The following KDM5A variants were observed in gnomAD, a reference collection of about 807,000 sequenced individuals.
KDM5A encodes lysine-specific demethylase 5A.
Under a neutral mutation model 193.5 loss-of-function variants are expected in KDM5A, and 42 were observed. The ratio of observed to expected loss-of-function variants is 0.22; its 90% confidence interval spans 0.17 to 0.28. The LOEUF is 0.28. Among genes scored for constraint, KDM5A ranks in the 10% least tolerant of loss-of-function variants. The pLI is 1.00. For missense variants in KDM5A, 1,692 were observed against 2,055.1 expected, an observed-to-expected ratio of 0.82 and a Z score of 3.42; for synonymous variants, 796 against 718.1, an observed-to-expected ratio of 1.11 and a Z score of -1.73.
intron 10 of KDM5A, among the ~76,000 whole-genome samples, chr12:336,945 T>G (rs1440820143): frequency 6.6e-6 from 1 of 152,160 alleles, no homozygotes; most frequent in African/African-American, 2.4e-5. Context: ...CATCATGGGT[T>G]TGGATTGTGA....
intron 5 of KDM5A, among the ~76,000 whole-genome samples, chr12:360,293 T>C (rs912274743): frequency 1.3e-5 from 2 of 150,838 alleles, no homozygotes; most frequent in Admixed American, 6.6e-5. Flanking sequence ...AGACAAGATT[T>C]GAGAGTTCTG....
At chr12:288,946 AT>A (rs1160083028) in intron 27 of KDM5A, among the ~76,000 whole-genome samples, 8 of 152,236 alleles carry the variant, frequency 5.3e-5, no homozygotes, top group Admixed American at 2.0e-4. Context: ...TATTACACAC[AT>A]TTAGGTAACT....
At chr12:387,261 G>T in intron 1 of KDM5A, 1 of 362,862 alleles carries the variant, frequency 2.8e-6, no homozygotes, top group South Asian at 2.1e-5. Flanking sequence ...GGAAACTGAA[G>T]AAATCTGCCA....
At chr12:306,344 G>T (rs1943506780) in intron 24 of KDM5A, among the ~76,000 whole-genome samples, 1 of 152,112 alleles carries the variant, frequency 6.6e-6, no homozygotes, top group Admixed American at 6.6e-5. Context: ...CTGAAAAACT[G>T]AAATTGGCCA....
At position 356,661 on chromosome 12, in the gene KDM5A, T is replaced by G; in HGVS notation, c.673-124A>C. 4.3e-6 allele frequency: 3 copies of G among 703,000 alleles called. No individual in the cohort carries two copies. The East Asian group carries it at 8.1e-5, about 19-fold the overall frequency. 43.5% of individuals were successfully genotyped at this position (703,000 alleles called of 1,614,324 possible). A position where few individuals can be genotyped will look rare whatever the true frequency, so the allele number is the denominator to read the frequency against. The stretch of plus-strand genomic sequence containing the variant: ...AACAAATTATTGGATTTCTTTTCTG[T>G]AAATCCACTCACTGCCTCATTACCA... On this transcript the variant is annotated intron_variant, in intron 5 of 27. Coordinates refer to ENST00000399788, the MANE Select transcript of KDM5A (RefSeq NM_001042603.3).
At chr12:364,221 C>G (rs1944324070) in intron 4 of KDM5A, among the ~76,000 whole-genome samples, 1 of 152,196 alleles carries the variant, frequency 6.6e-6, no homozygotes, top group South Asian at 2.1e-4. Context: ...CCTATAATCT[C>G]AGCACTTTGG....
intron 3 of KDM5A, among the ~76,000 whole-genome samples, chr12:381,177 A>G (rs754158828): frequency 8.4e-4 from 128 of 152,152 alleles, no homozygotes; most frequent in Middle Eastern, 6.8e-3. Flanking sequence ...TATTTTTAGT[A>G]GAGACGAGGT....
intron 24 of KDM5A, among the ~76,000 whole-genome samples, chr12:299,631 C>G (rs1943417712): frequency 6.6e-6 from 1 of 152,184 alleles, no homozygotes; most frequent in Non-Finnish European, 1.5e-5. Flanking sequence ...TATGAAGAAA[C>G]TGCATCAACT....
At position 365,431 on chromosome 12, in the gene KDM5A, G is replaced by A. The variant is rs1014545713; in HGVS notation, c.537+503C>T. ...AATCATATTGTATGATTACATCTAG[G>A]TGAAAGTTCTAGAAAAGACAAACTA... On this transcript the variant is annotated intron_variant, in intron 4 of 27. Transcript: ENST00000399788. 2.6e-5 allele frequency among the ~76,000 whole-genome samples: 4 copies of A among 152,292 alleles called. No individual in the cohort carries two copies. The East Asian group carries it at 5.8e-4, about 22-fold the overall frequency.
chr12:308,892 A>G (rs1044297746), intron 22 of KDM5A, among the ~76,000 whole-genome samples: 12 of 152,288 alleles, frequency 7.9e-5, no homozygotes, highest in African/African-American at 2.6e-4. Flanking sequence ...CATTCCTCCT[A>G]TCCTCCAAAA....
chr12:333,819 G>A (rs1226896051), intron 11 of KDM5A, among the ~76,000 whole-genome samples, 170 bp from the exon 12 acceptor site: 1 of 152,104 alleles, frequency 6.6e-6, no homozygotes, highest in Admixed American at 6.6e-5. Flanking sequence ...CACAATAGGA[G>A]GTAAGTAAAT....
At chr12:290,729 G>A (rs998680785) in intron 27 of KDM5A, among the ~76,000 whole-genome samples, 2 of 151,526 alleles carry the variant, frequency 1.3e-5, no homozygotes, top group Admixed American at 6.6e-5. Context: ...AAAAAAAAAC[G>A]GCCTAAGTGT....
At chr12:295,541 A>C (rs759596402) in intron 26 of KDM5A, 32 bp downstream of exon 26, 3 of 1,592,908 alleles carry the variant, frequency 1.9e-6, no homozygotes, top group South Asian at 2.2e-5. Flanking sequence ...TCTAGTTTTT[A>C]ACCACTGTTT....
chr12:292,674 A>G, intron 27 of KDM5A, 85 bp downstream of exon 27: 1 of 1,552,140 alleles, frequency 6.4e-7, no homozygotes, highest in South Asian at 1.1e-5. Context: ...AACCAAAAAC[A>G]TACTACACAT....
intron 3 of KDM5A, among the ~76,000 whole-genome samples, chr12:371,915 A>C (rs1202317246): frequency 6.6e-6 from 1 of 152,056 alleles, no homozygotes; most frequent in Non-Finnish European, 1.5e-5. Context: ...TTGCAGATGT[A>C]TGGTATTATT....
Position 307,287 on chromosome 12 carries a change from T to C in KDM5A, c.3930+167A>G, listed in dbSNP as rs1943519177. The stretch of plus-strand genomic sequence containing the variant: ...ATATTACCAAGAATATTTCACTAAG[T>C]ACGTATCCAAAAAAAGTGCTATAGT... On this transcript the variant is annotated intron_variant, in intron 23 of 27. Coordinates refer to ENST00000399788, the MANE Select transcript of KDM5A (RefSeq NM_001042603.3). This position sits in a 1 kb window ranked among gnomAD's most constrained non-coding sequence, Gnocchi z 4.3. Among the ~76,000 whole-genome samples, 1 of 152,172 alleles carries C rather than the reference T, an allele frequency of 6.6e-6. No individual in the cohort carries two copies.
rs188060852 is a variant in KDM5A at position 358,701 on chromosome 12, G to A, written c.673-2164C>T. Among the ~76,000 whole-genome samples the A allele has an allele frequency of 4.5e-3, 680 of 152,256 alleles. 4 individuals carry two copies. The highest frequency in any genetic ancestry group is 7.5e-3 in the South Asian group (36 of 4,822). The stretch of plus-strand genomic sequence containing the variant: ...TTAAAAAATAACAAAGGCCAGGCAT[G>A]ATGACTCACACTTGTAAATCCCAGC... On this transcript the variant is annotated intron_variant, in intron 5 of 27. Transcript: ENST00000399788.
intron 24 of KDM5A, among the ~76,000 whole-genome samples, chr12:304,213 T>G (rs1168367367): frequency 6.6e-6 from 1 of 152,150 alleles, no homozygotes; most frequent in Non-Finnish European, 1.5e-5. Flanking sequence ...TAAGATAAAA[T>G]GACTGATTTT....
At chr12:295,886 C>T in intron 25 of KDM5A, 93 bp from the exon 26 acceptor site, 1 of 983,492 alleles carries the variant, frequency 1.0e-6, no homozygotes, top group Non-Finnish European at 1.6e-6. Context: ...AGCCCCCCAT[C>T]CCCCAATACT....
Sources: gnomAD v4.1 joint callset for allele counts (sites outside exome capture counted in the v4.1 genomes callset) on GRCh38, gnomAD v4.1.1 for gene constraint, Gnocchi (gnomAD v3.1) non-coding constraint, MANE v1.5 for transcripts, NCBI Gene and HGNC (gene_info 2026-07-23, HGNC 2026-07-21) for gene names.